Variants in NOXRED1 observed in about 807,000 individuals in gnomAD.
NOXRED1 encodes NADP dependent oxidoreductase domain containing 1.
A neutral mutation model predicts 30.4 loss-of-function variants in NOXRED1; 20 were observed. That is an observed-to-expected ratio of 0.66 (90% CI 0.46 to 0.96). NOXRED1 has a LOEUF of 0.96. Among genes scored for constraint, NOXRED1 ranks in the 40% least tolerant of loss-of-function variants. The pLI, the probability that NOXRED1 is intolerant of heterozygous loss-of-function variation, is 0.00. For missense variants in NOXRED1, 374 were observed against 428.0 expected (o/e 0.87, Z 1.11); for synonymous variants, 155 against 168.0 (o/e 0.92, Z 0.60).
Position 77,394,628 on chromosome 14 carries a change from C to A in NOXRED1, c.*3G>T, listed in dbSNP as rs767969980. On this transcript the variant is annotated 3_prime_UTR_variant, in exon 6 of 6. Coordinates refer to ENST00000380835, the MANE Select transcript of NOXRED1 (RefSeq NM_001113475.3). ...GGGAAAAAATCCTGATTCCTGAGTTCTCTTATTGGGATGGAAAGCCTGTGG... is the reference window on the plus strand; with the variant it reads ...GGGAAAAAATCCTGATTCCTGAGTTATCTTATTGGGATGGAAAGCCTGTGG... The A allele has an allele frequency of 1.1e-5, 18 of 1,608,570 alleles. No homozygotes were observed. Among genetic ancestry groups the A allele is most frequent in the Admixed American group, 3.4e-5 (2 of 59,472 alleles).
intron 1 of NOXRED1, among the ~76,000 whole-genome samples, chr14:77,416,346 G>T (rs888574625): frequency 2.0e-5 from 3 of 152,194 alleles, no homozygotes; most frequent in African/African-American, 7.2e-5. Flanking sequence ...AGAGGACCTT[G>T]CGGCCTTCCA....
intron 2 of NOXRED1, among the ~76,000 whole-genome samples, chr14:77,410,328 G>A (rs1894616974): frequency 6.6e-6 from 1 of 152,092 alleles, no homozygotes; most frequent in Non-Finnish European, 1.5e-5. Flanking sequence ...AAATAAACCT[G>A]GGCACTGTGG....
At chr14:77,404,241 A>AG (rs1230413131) in intron 5 of NOXRED1, among the ~76,000 whole-genome samples, 1 of 152,210 alleles carries the variant, frequency 6.6e-6, no homozygotes, top group African/African-American at 2.4e-5. Flanking sequence ...CAGAAAAGTG[A>AG]GGGGAATCCC....
chr14:77,422,771 T>C lies in NOXRED1; in HGVS notation c.119A>G (p.His40Arg), dbSNP rs1163067443. 1.9e-6 allele frequency: 3 copies of C among 1,614,078 alleles called. No individual in the cohort carries two copies. In the African/African-American group the frequency reaches 4.0e-5, roughly 22 times the overall value. The change falls in exon 1 of 6, where the codon CAT (histidine) becomes CGT (arginine). Residue 40 changes from histidine to arginine, a missense_variant. His to Arg is a conservative substitution (Grantham distance 29, BLOSUM62 0). Coordinates refer to ENST00000380835, the MANE Select transcript of NOXRED1 (RefSeq NM_001113475.3). Reference sequence around the variant, plus strand: ...TAATAGTTTGCAGAAGAAGGTTGCATGGGCACAAGCCTCGATCATCAGTCC... The same window carrying C: ...TAATAGTTTGCAGAAGAAGGTTGCACGGGCACAAGCCTCGATCATCAGTCC... ...SRGLMIEACA[H>R]ATFFCKLLYN...
At chr14:77,414,781 A>C (rs1334409271) in intron 1 of NOXRED1, among the ~76,000 whole-genome samples, 1 of 152,124 alleles carries the variant, frequency 6.6e-6, no homozygotes, top group Non-Finnish European at 1.5e-5. Context: ...AACAGCCACT[A>C]TTATACAGCA....
chr14:77,409,877 G>T (rs1894597464), intron 2 of NOXRED1, among the ~76,000 whole-genome samples: 1 of 147,580 alleles, frequency 6.8e-6, no homozygotes, highest in African/African-American at 2.5e-5. Context: ...GTACAATTTT[G>T]GCTCACTGCA....
chr14:77,407,423 C>T, intron 3 of NOXRED1, 42 bp downstream of exon 3: 1 of 1,450,096 alleles, frequency 6.9e-7, no homozygotes, highest in Non-Finnish European at 9.7e-7. Context: ...GATAAGGAGA[C>T]AGAGCAGTTG....
At position 77,406,119 on chromosome 14, in the gene NOXRED1, A is replaced by T. The variant is rs765933105; in HGVS notation, c.699T>A (p.Asn233Lys). 7.0e-5 allele frequency: 113 copies of T among 1,611,430 alleles called. No homozygotes were observed. The Admixed American group carries it at 1.8e-3, about 25-fold the overall frequency. ...PYSPAGGIILNIKWLEGVFYA... is the reference protein window; with the variant it reads ...PYSPAGGIILKIKWLEGVFYA... ...AGAACACTCCCTCCAACCACTTGATATTGAGGATTATTCCCCCTACACATC... is the reference window on the plus strand; with the variant it reads ...AGAACACTCCCTCCAACCACTTGATTTTGAGGATTATTCCCCCTACACATC... Residue 233 changes from asparagine (N) to lysine (K), a missense_variant, in exon 5 of 6, where the codon AAT (asparagine) becomes AAA (lysine). Asn to Lys is a moderately conservative substitution (Grantham distance 94). Transcript: ENST00000380835.
chr14:77,415,655 T>C (rs1737989661), intron 1 of NOXRED1, among the ~76,000 whole-genome samples: 1 of 145,348 alleles, frequency 6.9e-6, no homozygotes, highest in Admixed American at 7.0e-5. Context: ...GACATATAGA[T>C]ATAGTTGTGC....
chr14:77,394,402 G>T lies in NOXRED1; in HGVS notation c.*229C>A, dbSNP rs1594865604. Reference sequence around the variant, plus strand: ...GGGAGCAGCTTACTTAAGTTAGGTTGTGTAGTTTCACTAGTTGCTTCTGAG... The same window carrying T: ...GGGAGCAGCTTACTTAAGTTAGGTTTTGTAGTTTCACTAGTTGCTTCTGAG... On this transcript the variant is annotated 3_prime_UTR_variant, in exon 6 of 6. Transcript: ENST00000380835. The T allele has an allele frequency of 8.3e-6, 3 of 361,184 alleles. No homozygotes were observed. In the East Asian group the frequency reaches 1.2e-4, roughly 15 times the overall value. 22.4% of individuals were successfully genotyped at this position (361,184 alleles called of 1,614,324 possible). A position where few individuals can be genotyped will look rare whatever the true frequency, so the allele number is the denominator to read the frequency against.
chr14:77,396,173 A>G (rs1296480816), intron 5 of NOXRED1, among the ~76,000 whole-genome samples: 1 of 152,166 alleles, frequency 6.6e-6, no homozygotes, highest in Non-Finnish European at 1.5e-5. Flanking sequence ...GAAGGCATGG[A>G]CATTGGAAAG....
intron 1 of NOXRED1, among the ~76,000 whole-genome samples, chr14:77,417,731 ATTCAGCCACTCGGTATCTTT>A (rs1410763117): frequency 6.6e-5 from 10 of 152,120 alleles, no homozygotes; most frequent in South Asian, 4.1e-4. Flanking sequence ...TTTTTTATCC[ATTCAGCCACTCGGTATCTTT>A]TGATTGATGG....
At chr14:77,415,585 T>TATAGATAGATAG (rs35339836) in intron 1 of NOXRED1, among the ~76,000 whole-genome samples, 111 of 145,532 alleles carry the variant, frequency 7.6e-4, no homozygotes, top group African/African-American at 1.4e-3. Flanking sequence ...AGAAAATACA[T>TATAGATAGATAG]ATAGATAGAT....
intron 1 of NOXRED1, among the ~76,000 whole-genome samples, chr14:77,422,165 GC>G (rs1895014402): frequency 1.3e-5 from 2 of 152,122 alleles, no homozygotes; most frequent in Non-Finnish European, 2.9e-5. Flanking sequence ...GAATTCAGAA[GC>G]CTAATTATAG....
At chr14:77,398,153 T>A (rs1894236274) in intron 5 of NOXRED1, among the ~76,000 whole-genome samples, 2 of 152,090 alleles carry the variant, frequency 1.3e-5, no homozygotes. Flanking sequence ...AACCCGGAAC[T>A]GTAACTGACA....
chr14:77,405,088 A>G (rs772192256), intron 5 of NOXRED1, among the ~76,000 whole-genome samples: 10 of 152,222 alleles, frequency 6.6e-5, no homozygotes, highest in Admixed American at 1.3e-4. Context: ...GTACAAGTGC[A>G]CAAAGTACAA....
At position 77,406,734 on chromosome 14, in the gene NOXRED1, G is replaced by C; in HGVS notation, c.672C>G (p.Tyr224Ter). The change falls in exon 4 of 6, where the codon TAC (tyrosine) becomes TAG (stop). Residue 224 changes from tyrosine to a stop codon, truncating the protein, a stop_gained. Transcript: ENST00000380835. LOFTEE classifies it high-confidence loss of function. ...DPTILQATCPYSPAGGIILNI... is the reference protein window; with the variant it reads ...DPTILQATCP ...ATGTTGAGCCGTGACCAGCAGGACT[G>C]TAGGGACAGGTAGCTTGAAGAATCG... 1 of 1,614,112 alleles carries C rather than the reference G, an allele frequency of 6.2e-7. No homozygotes were observed.
chr14:77,417,891 T>A (rs1594881224), intron 1 of NOXRED1, among the ~76,000 whole-genome samples: 1 of 65,302 alleles, frequency 1.5e-5, no homozygotes, highest in African/African-American at 5.2e-5. Flanking sequence ...ATTTCACTGA[T>A]TTTTTTTTTT....
At position 77,407,532 on chromosome 14, in the gene NOXRED1, C is replaced by A; in HGVS notation, c.463G>T (p.Glu155Ter). ...GCCTTCTCAAGGCTGGTGTAAATTT[C>A]TACGCAGATATTAGGCAGCTGAGAC... is the stretch of plus-strand genomic sequence containing the variant. ...LPSQLPNICVEIYTSLEKASI... is the reference protein window; with the variant it reads ...LPSQLPNICV Residue 155 changes from glutamate to a stop codon, truncating the protein, a stop_gained, in exon 3 of 6, where the codon GAA becomes TAA. Coordinates refer to ENST00000380835, the MANE Select transcript of NOXRED1 (RefSeq NM_001113475.3). LOFTEE classifies it high-confidence loss of function. The A allele has an allele frequency of 6.2e-7, 1 of 1,614,110 alleles. No homozygotes were observed. The highest frequency in any genetic ancestry group is 1.1e-5 in the South Asian group (1 of 91,086).
Sources: gnomAD v4.1 joint callset for allele counts (sites outside exome capture counted in the v4.1 genomes callset) on GRCh38, gnomAD v4.1.1 for gene constraint, MANE v1.5 for transcripts, NCBI Gene and HGNC (gene_info 2026-07-23, HGNC 2026-07-21) for gene names.